The following KCNIP4 variants were observed in gnomAD, a reference collection of about 807,000 sequenced individuals.
The protein encoded by KCNIP4 is potassium voltage-gated channel interacting protein 4.
Under a neutral mutation model 34.0 loss-of-function variants are expected in KCNIP4, and 12 were observed. The observed-to-expected ratio is 0.35, with a 90% CI of 0.23 to 0.57. The LOEUF is 0.57. Ranked by LOEUF, KCNIP4 falls within the 20% of genes least tolerant of loss-of-function variation. The pLI is 0.83. For synonymous variants in KCNIP4, 124 were observed against 102.2 expected (o/e 1.21, Z -1.29); for missense variants, 238 against 311.7 (o/e 0.76, Z 1.78).
chr4:21,861,312 AT>A (rs757674667), intron 1 of KCNIP4, among the ~76,000 whole-genome samples: 1 of 152,206 alleles, frequency 6.6e-6, no homozygotes, highest in Non-Finnish European at 1.5e-5. Context: ...AAAAAGTCAA[AT>A]TAAACCTTGG....
At chr4:20,987,136 T>G (rs767536949) in intron 1 of KCNIP4, among the ~76,000 whole-genome samples, 2 of 152,018 alleles carry the variant, frequency 1.3e-5, no homozygotes, top group African/African-American at 4.8e-5. Context: ...GAAAGAAGAG[T>G]TGCCTGCATA....
chr4:21,434,235 A>G (rs1726753170), intron 1 of KCNIP4, among the ~76,000 whole-genome samples: 1 of 152,192 alleles, frequency 6.6e-6, no homozygotes, highest in African/African-American at 2.4e-5. Flanking sequence ...AGATTTGTCC[A>G]TTACATAGAT....
intron 1 of KCNIP4, among the ~76,000 whole-genome samples, chr4:21,190,295 C>G (rs951643396): frequency 6.6e-6 from 1 of 151,910 alleles, no homozygotes; most frequent in African/African-American, 2.4e-5. Context: ...TGTTTTGGTT[C>G]GTTAGTATTG....
chr4:21,680,984 G>A (rs1344440344), intron 1 of KCNIP4, among the ~76,000 whole-genome samples: 1 of 152,172 alleles, frequency 6.6e-6, no homozygotes, highest in Non-Finnish European at 1.5e-5. Flanking sequence ...AAGAGAGTCA[G>A]TCTCCCCTTT....
chr4:21,363,224 C>A (rs1004463813), intron 1 of KCNIP4, among the ~76,000 whole-genome samples: 2 of 152,134 alleles, frequency 1.3e-5, no homozygotes, highest in Non-Finnish European at 2.9e-5. Flanking sequence ...ATCCCTCTGG[C>A]CTTTGACTGC....
At chr4:21,670,984 A>G (rs28538098) in intron 1 of KCNIP4, among the ~76,000 whole-genome samples, 50,391 of 150,746 alleles carry the variant, frequency 0.33, 9,985 homozygotes, top group East Asian at 0.91. Flanking sequence ...TTTTAAATTA[A>G]TAACTTGTTA....
intron 1 of KCNIP4, among the ~76,000 whole-genome samples, chr4:20,983,574 C>G (rs1736297161): frequency 6.6e-6 from 1 of 152,118 alleles, no homozygotes; most frequent in Admixed American, 6.5e-5. Context: ...ATTTAACCCA[C>G]AAAATACTAA....
intron 1 of KCNIP4, among the ~76,000 whole-genome samples, chr4:21,186,633 A>G (rs1403974958): frequency 6.6e-6 from 1 of 152,052 alleles, no homozygotes; most frequent in East Asian, 1.9e-4. Flanking sequence ...CTGCTTTCTC[A>G]ACCCTTTTTA....
chr4:21,649,463 T>A (rs924060501), intron 1 of KCNIP4, among the ~76,000 whole-genome samples: 4 of 152,092 alleles, frequency 2.6e-5, no homozygotes, highest in Non-Finnish European at 5.9e-5. Flanking sequence ...TGAAAATAAA[T>A]ATGTTCAAAA....
intron 3 of KCNIP4, among the ~76,000 whole-genome samples, chr4:20,829,448 C>T (rs1176449470): frequency 6.6e-6 from 1 of 152,118 alleles, no homozygotes; most frequent in Non-Finnish European, 1.5e-5. Flanking sequence ...ACCTTGTGAT[C>T]TGCCCGCCTC....
chr4:20,739,868 A>G (rs1426921071), intron 5 of KCNIP4, among the ~76,000 whole-genome samples: 2 of 152,198 alleles, frequency 1.3e-5, no homozygotes, highest in African/African-American at 4.8e-5. Context: ...CGAATGGCTG[A>G]CTAGAATAAA....
At chr4:21,578,904 A>T (rs1279139583) in intron 1 of KCNIP4, among the ~76,000 whole-genome samples, 1 of 152,180 alleles carries the variant, frequency 6.6e-6, no homozygotes, top group African/African-American at 2.4e-5. Flanking sequence ...TTAGAGACCA[A>T]TTGTTTTGCA....
At chr4:21,286,892 G>T (rs1344181458) in intron 1 of KCNIP4, among the ~76,000 whole-genome samples, 2 of 152,126 alleles carry the variant, frequency 1.3e-5, no homozygotes, top group Admixed American at 6.5e-5. Flanking sequence ...GCACCCTAGG[G>T]CTTAATACAT....
intron 1 of KCNIP4, among the ~76,000 whole-genome samples, chr4:21,427,489 G>A (rs556791586): frequency 9.9e-5 from 15 of 152,144 alleles, no homozygotes; most frequent in African/African-American, 2.6e-4. Context: ...CACTTCCTCC[G>A]TGGTCCCTCA....
chr4:21,809,729 T>C (rs1446951790), intron 1 of KCNIP4, among the ~76,000 whole-genome samples: 1 of 152,112 alleles, frequency 6.6e-6, no homozygotes, highest in Non-Finnish European at 1.5e-5. Flanking sequence ...AATTCTTTTT[T>C]GTTATTTAAC....
chr4:21,466,116 C>A (rs541182341), intron 1 of KCNIP4, among the ~76,000 whole-genome samples: 2 of 152,280 alleles, frequency 1.3e-5, no homozygotes, highest in Admixed American at 1.3e-4. Flanking sequence ...CCCTAGAGAT[C>A]AGGATCATTG....
At chr4:21,542,671 A>G (rs930396953) in intron 1 of KCNIP4, among the ~76,000 whole-genome samples, 1 of 150,918 alleles carries the variant, frequency 6.6e-6, no homozygotes, top group African/African-American at 2.4e-5. Flanking sequence ...CATGAAGAAG[A>G]AAGTTGTAAT....
At chr4:21,379,233 T>C (rs1490036358) in intron 1 of KCNIP4, among the ~76,000 whole-genome samples, 1 of 152,212 alleles carries the variant, frequency 6.6e-6, no homozygotes, top group East Asian at 1.9e-4. Context: ...TTCACTATTT[T>C]GAATACTGTT....
At chr4:21,513,240 A>G (rs928312573) in intron 1 of KCNIP4, among the ~76,000 whole-genome samples, 7 of 152,194 alleles carry the variant, frequency 4.6e-5, no homozygotes, top group African/African-American at 1.4e-4. Flanking sequence ...GAACAAATCC[A>G]TCTACCTCCA....
Sources: allele counts gnomAD v4.1 joint callset (sites outside exome capture counted in the v4.1 genomes callset), GRCh38; gene constraint gnomAD v4.1.1; transcripts MANE v1.5; gene names NCBI Gene and HGNC (gene_info 2026-07-23, HGNC 2026-07-21).